MB21D2: variants seen among roughly 807,000 people sequenced by gnomAD.
MB21D2 encodes Mab-21 domain containing 2.
MB21D2 carries 9 observed loss-of-function variants against 33.3 expected under a neutral mutation model. That is an observed-to-expected ratio of 0.27 (90% confidence interval 0.16 to 0.47). The LOEUF is 0.47. Ranked by LOEUF, MB21D2 falls within the 20% of genes least tolerant of loss-of-function variation. MB21D2 has a pLI of 0.99. For missense variants in MB21D2, 540 were observed against 624.6 expected (o/e 0.86, Z 1.44); for synonymous variants, 241 against 236.3 (o/e 1.02, Z -0.18).
chr3:192,873,569 C>T (rs1179920744), intron 1 of MB21D2, among the ~76,000 whole-genome samples: 1 of 152,186 alleles, frequency 6.6e-6, no homozygotes, highest in Non-Finnish European at 1.5e-5. Flanking sequence ...CAGCCCATTT[C>T]ACCACTGGAG....
chr3:192,809,792 ATGTGGGTGCACACG>A (rs766294518), intron 1 of MB21D2, among the ~76,000 whole-genome samples: 37 of 152,228 alleles, frequency 2.4e-4, no homozygotes, highest in Non-Finnish European at 4.1e-4. Context: ...ACACACAGCT[ATGTGGGTGCACACG>A]TGTGCGTGTG....
Position 192,917,719 on chromosome 3 carries a change from T to A in MB21D2, c.122A>T (p.Gln41Leu), listed in dbSNP as rs778896489. 6.2e-7 allele frequency: 1 copy of A among 1,614,172 alleles called. No homozygotes were observed. The highest frequency in any genetic ancestry group is 1.1e-5 in the South Asian group (1 of 91,074). ...CCGCTGGTCGTGCTTCGTAAATTCT[T>A]GGATGAGTTTGTTCAATTCCTCCAC... The part of the protein sequence containing the change: ...ARVEELNKLI[Q>L]EFTKHDQREY... The change falls in exon 1 of 2, where the codon CAA becomes CTA. Residue 41 changes from glutamine to leucine, a missense_variant. Physicochemically the swap from Gln to Leu is moderately radical, Grantham distance 113 (BLOSUM62 -2). Coordinates refer to ENST00000392452, the MANE Select transcript of MB21D2 (RefSeq NM_178496.4).
At chr3:192,910,056 T>C (rs1714312617) in intron 1 of MB21D2, among the ~76,000 whole-genome samples, 1 of 148,694 alleles carries the variant, frequency 6.7e-6, no homozygotes, top group South Asian at 2.1e-4. Context: ...ATGTAGAACA[T>C]GCAGAGACAG....
chr3:192,818,904 A>G (rs530988916), intron 1 of MB21D2, among the ~76,000 whole-genome samples: 1 of 152,308 alleles, frequency 6.6e-6, no homozygotes, highest in African/African-American at 2.4e-5. Flanking sequence ...TAAATGAATG[A>G]TGACAAGGTC....
chr3:192,805,030 T>C (rs1005945864), intron 1 of MB21D2, among the ~76,000 whole-genome samples: 10 of 152,212 alleles, frequency 6.6e-5, no homozygotes, highest in Non-Finnish European at 1.2e-4. Flanking sequence ...ATCACTCATG[T>C]GGGGTCATAC....
At position 192,904,414 on chromosome 3, in the gene MB21D2, G is replaced by A. The variant is rs1423348899; in HGVS notation, c.211+13216C>T. ...TTGACCTACAGTTTTAAACCCCATG[G>A]TGTTTCTTTAAAATTTGATTTATTC... On this transcript the variant is annotated intron_variant, in intron 1 of 1. Coordinates refer to ENST00000392452, the MANE Select transcript of MB21D2 (RefSeq NM_178496.4). 2.0e-5 allele frequency among the ~76,000 whole-genome samples: 3 copies of A among 152,116 alleles called. 1 individual carries two copies. Among genetic ancestry groups the A allele is most frequent in the Non-Finnish European group, 4.4e-5 (3 of 68,024 alleles).
intron 1 of MB21D2, among the ~76,000 whole-genome samples, chr3:192,883,442 T>G (rs1480485268): frequency 6.6e-6 from 1 of 152,104 alleles, no homozygotes; most frequent in Non-Finnish European, 1.5e-5. Flanking sequence ...ACATTTATAT[T>G]TTAGGTTAAA....
At chr3:192,831,713 T>G (rs1200440608) in intron 1 of MB21D2, among the ~76,000 whole-genome samples, 1 of 152,100 alleles carries the variant, frequency 6.6e-6, no homozygotes, top group African/African-American at 2.4e-5. Flanking sequence ...TTATTAGGGA[T>G]GTACAATTGT....
chr3:192,916,875 C>T (rs889544728), intron 1 of MB21D2, among the ~76,000 whole-genome samples: 1 of 152,170 alleles, frequency 6.6e-6, no homozygotes, highest in Non-Finnish European at 1.5e-5. Context: ...AGACAATACA[C>T]AAAGAGCAGG....
At chr3:192,864,754 G>A (rs1012401614) in intron 1 of MB21D2, among the ~76,000 whole-genome samples, 24 of 152,098 alleles carry the variant, frequency 1.6e-4, no homozygotes, top group Non-Finnish European at 1.3e-4. Flanking sequence ...TGATCTGCCC[G>A]CCTCAGCCTC....
At chr3:192,861,686 C>T (rs1339559658) in intron 1 of MB21D2, among the ~76,000 whole-genome samples, 1 of 152,186 alleles carries the variant, frequency 6.6e-6, no homozygotes, top group East Asian at 1.9e-4. Flanking sequence ...TGCCTGTAAT[C>T]CCAGCTACTC....
chr3:192,903,476 T>C (rs1714144995), intron 1 of MB21D2, among the ~76,000 whole-genome samples: 1 of 152,232 alleles, frequency 6.6e-6, no homozygotes, highest in Admixed American at 6.5e-5. Flanking sequence ...AAATGAAGGC[T>C]TGAAAAAAGT....
chr3:192,858,551 T>C (rs1712969422), intron 1 of MB21D2, among the ~76,000 whole-genome samples: 1 of 152,252 alleles, frequency 6.6e-6, no homozygotes, highest in Non-Finnish European at 1.5e-5. Flanking sequence ...AGTTGTGAAC[T>C]TCTGCAGATC....
chr3:192,822,053 G>A lies in MB21D2; in HGVS notation c.212-22403C>T, dbSNP rs75831580. 8.0e-3 allele frequency among the ~76,000 whole-genome samples: 1,212 copies of A among 152,168 alleles called. 11 individuals carry two copies. The highest frequency in any genetic ancestry group is 0.012 in the Non-Finnish European group (838 of 68,018). ...TTGAAATATCTTTACATGGAAATAC[G>A]TGATCTGATTCTAAACAAACAAGTG... On this transcript the variant is annotated intron_variant, in intron 1 of 1. Transcript: ENST00000392452.
intron 1 of MB21D2, among the ~76,000 whole-genome samples, chr3:192,806,016 G>A (rs943852592): frequency 6.6e-6 from 1 of 152,248 alleles, no homozygotes; most frequent in Non-Finnish European, 1.5e-5. Flanking sequence ...TCCCCTGGCT[G>A]TACCAAGACT....
intron 1 of MB21D2, among the ~76,000 whole-genome samples, chr3:192,829,617 T>C (rs1039260927): frequency 7.2e-5 from 11 of 152,226 alleles, no homozygotes; most frequent in African/African-American, 2.7e-4. Flanking sequence ...TATGTTTGTA[T>C]GTATGTATGG....
rs1720568337 is a variant in MB21D2, at chr3:192,798,428, A to G, written c.1434T>C (p.Asp478=). 6.2e-7 allele frequency: 1 copy of G among 1,614,058 alleles called. No individual in the cohort carries two copies. Among genetic ancestry groups the G allele is most frequent in the Non-Finnish European group, 8.5e-7 (1 of 1,180,046 alleles). The change falls in exon 2 of 2, where the codon GAT becomes GAC. Residue 478 remains aspartate, a synonymous_variant. Transcript: ENST00000392452. The surrounding 1 kb of genome is among the most constrained non-coding windows in gnomAD (Gnocchi z 4.8). The part of the protein sequence containing the change: ...KSISVFINPD[D]VTRPHFRIDD... ...CAATTCTGAAATGGGGCCTTGTGAC[A>G]TCGTCAGGATTGATAAAGACAGAGA...
chr3:192,875,326 T>G (rs1328109317), intron 1 of MB21D2, among the ~76,000 whole-genome samples: 2 of 152,226 alleles, frequency 1.3e-5, no homozygotes, highest in Non-Finnish European at 2.9e-5. Context: ...ACTCTGCTGT[T>G]TGCTGCACGA....
At chr3:192,842,115 T>C (rs1712586686) in intron 1 of MB21D2, among the ~76,000 whole-genome samples, 1 of 149,750 alleles carries the variant, frequency 6.7e-6, no homozygotes, top group South Asian at 2.1e-4. Context: ...GAAATAGCTG[T>C]TGTAAAACCA....
Sources: gnomAD v4.1 joint callset for allele counts (sites outside exome capture counted in the v4.1 genomes callset) on GRCh38, gnomAD v4.1.1 for gene constraint, Gnocchi (gnomAD v3.1) non-coding constraint, MANE v1.5 for transcripts, NCBI Gene and HGNC (gene_info 2026-07-23, HGNC 2026-07-21) for gene names.